Variants in FOXP2 observed in about 807,000 individuals in gnomAD.
FOXP2 encodes the protein forkhead box protein P2.
Under a neutral mutation model 115.8 loss-of-function variants are expected in FOXP2, and 12 were observed. The ratio of observed to expected loss-of-function variants is 0.10; its 90% CI spans 0.07 to 0.17. The LOEUF (loss-of-function observed/expected upper bound fraction) is 0.17. Ranked by LOEUF, FOXP2 falls within the 10% of genes least tolerant of loss-of-function variation. The pLI is 1.00. For synonymous variants in FOXP2, 328 were observed against 297.7 expected, an observed-to-expected ratio of 1.10 and a Z score of -1.05; for missense variants, 629 against 843.5, an observed-to-expected ratio of 0.75 and a Z score of 3.15.
At chr7:114,109,720 A>G (rs944915141) in intron 1 of FOXP2, among the ~76,000 whole-genome samples, 1 of 152,136 alleles carries the variant, frequency 6.6e-6, no homozygotes, top group Non-Finnish European at 1.5e-5. Flanking sequence ...TAAAGGAAAA[A>G]ATTTCCTAAA....
intron 1 of FOXP2, among the ~76,000 whole-genome samples, chr7:114,169,947 C>T (rs964884209): frequency 3.3e-5 from 5 of 152,118 alleles, no homozygotes; most frequent in Admixed American, 1.3e-4. Flanking sequence ...GCTTCCTTGC[C>T]TTCTGCCATG....
chr7:114,226,487 T>C (rs913408565), intron 1 of FOXP2, among the ~76,000 whole-genome samples: 2 of 152,198 alleles, frequency 1.3e-5, no homozygotes, highest in African/African-American at 4.8e-5. Flanking sequence ...TTCTATACAA[T>C]GGCTAGGCTG....
At chr7:114,177,398 TC>T (rs1793344941) in intron 1 of FOXP2, among the ~76,000 whole-genome samples, 1 of 152,152 alleles carries the variant, frequency 6.6e-6, no homozygotes. Context: ...ACTTAGGTTG[TC>T]TTTTTTATTT....
At chr7:114,396,128 G>A (rs1250387809) in intron 2 of FOXP2, among the ~76,000 whole-genome samples, 1 of 148,454 alleles carries the variant, frequency 6.7e-6, no homozygotes, top group South Asian at 2.1e-4. Context: ...ATTTTTTTTT[G>A]TACCCATTAA....
At chr7:114,569,931 T>C (rs1026605923) in intron 3 of FOXP2, among the ~76,000 whole-genome samples, 1 of 151,956 alleles carries the variant, frequency 6.6e-6, no homozygotes, top group African/African-American at 2.4e-5. Flanking sequence ...CTTGCTTTTC[T>C]TCTTTTCTGG....
At chr7:114,583,950 A>G (rs557933164) in intron 3 of FOXP2, among the ~76,000 whole-genome samples, 1 of 152,326 alleles carries the variant, frequency 6.6e-6, no homozygotes, top group South Asian at 2.1e-4. Context: ...TATCGAGTAT[A>G]TCAAATTTTA....
chr7:114,514,187 A>G (rs1033534926), intron 2 of FOXP2, among the ~76,000 whole-genome samples: 20 of 152,010 alleles, frequency 1.3e-4, no homozygotes, highest in African/African-American at 4.8e-4. Context: ...TGCTGTTTTC[A>G]TATAGGTATG....
At chr7:114,501,305 T>A (rs1473385337) in intron 2 of FOXP2, among the ~76,000 whole-genome samples, 2 of 152,162 alleles carry the variant, frequency 1.3e-5, no homozygotes, top group Non-Finnish European at 2.9e-5. Flanking sequence ...TTACTTTGGT[T>A]CAATTTTATT....
intron 16 of FOXP2, chr7:114,667,303 A>G (rs963816956): frequency 1.3e-5 from 2 of 152,092 alleles, no homozygotes; most frequent in African/African-American, 4.8e-5. Context: ...GTGTGCCTGT[A>G]TACAGTCCTA....
intron 3 of FOXP2, among the ~76,000 whole-genome samples, chr7:114,622,944 T>A (rs552480568): frequency 2.5e-3 from 386 of 152,072 alleles, no homozygotes; most frequent in Non-Finnish European, 4.0e-3. Context: ...ATAAACATTT[T>A]TAGTTACTAA....
chr7:114,232,645 C>T (rs1562827773), intron 1 of FOXP2, among the ~76,000 whole-genome samples: 1 of 151,998 alleles, frequency 6.6e-6, no homozygotes, highest in African/African-American at 2.4e-5. Context: ...GAAACCCCAT[C>T]TCTACTAAAA....
At chr7:114,114,907 C>T (rs1234460561) in intron 1 of FOXP2, among the ~76,000 whole-genome samples, 1 of 152,036 alleles carries the variant, frequency 6.6e-6, no homozygotes, top group Admixed American at 6.6e-5. Context: ...AGAACTGAAA[C>T]AAGGAAAGTT....
In FOXP2 at chr7:114,381,876, C is replaced by T. The variant is rs560468403; in HGVS notation, c.-10-44626C>T. Among the ~76,000 whole-genome samples the T allele has an allele frequency of 5.3e-5, 8 of 152,168 alleles. No homozygotes were observed. In the South Asian group the frequency reaches 1.2e-3, roughly 24 times the overall value. On this transcript the variant is annotated intron_variant, in intron 2 of 17. Transcript: ENST00000634411. ...TACTGCCTTTGGTAGGGAAAGGAGG[C>T]GGAATCCTTTAGTTTAACTTGAACA...
chr7:114,194,560 C>T (rs1479057972), intron 1 of FOXP2, among the ~76,000 whole-genome samples: 1 of 152,082 alleles, frequency 6.6e-6, no homozygotes, highest in Non-Finnish European at 1.5e-5. Flanking sequence ...CCTCATACTA[C>T]ATGAAAACAA....
At chr7:114,397,417 A>G (rs1425085111) in intron 2 of FOXP2, among the ~76,000 whole-genome samples, 2 of 152,104 alleles carry the variant, frequency 1.3e-5, no homozygotes, top group Non-Finnish European at 2.9e-5. Flanking sequence ...ATCAACATTA[A>G]TATTTCCATA....
intron 2 of FOXP2, among the ~76,000 whole-genome samples, chr7:114,321,341 A>G (rs1797417786): frequency 6.6e-6 from 1 of 151,590 alleles, no homozygotes; most frequent in East Asian, 1.9e-4. Flanking sequence ...TGGGACTACA[A>G]GTGCCCGCCA....
chr7:114,479,087 C>T (rs1413027898), intron 2 of FOXP2, among the ~76,000 whole-genome samples: 8 of 151,542 alleles, frequency 5.3e-5, no homozygotes, highest in South Asian at 4.2e-4. Flanking sequence ...TTTTTTTCTG[C>T]GTAAAACATA....
chr7:114,691,524 G>T lies in FOXP2; in HGVS notation c.*1598G>T. 1 of 453,932 alleles carries T rather than the reference G, an allele frequency of 2.2e-6. No homozygotes were observed. Among genetic ancestry groups the T allele is most frequent in the South Asian group, 1.6e-5 (1 of 64,456 alleles). 28.1% of individuals were successfully genotyped at this position (453,932 alleles called of 1,614,324 possible). ...AAATTGTTGGAATGCTGGTTTTCTT[G>T]ACAATTCCAAACCCCAAAACTATGA... On this transcript the variant is annotated 3_prime_UTR_variant, in exon 17 of 17. Coordinates refer to ENST00000350908, the MANE Select transcript of FOXP2 (RefSeq NM_014491.4).
chr7:114,492,756 A>G (rs995730289), intron 2 of FOXP2, among the ~76,000 whole-genome samples: 1 of 152,090 alleles, frequency 6.6e-6, no homozygotes, highest in East Asian at 1.9e-4. Flanking sequence ...TTCTAGTTTG[A>G]TTGCACTGTG....
Sources: gnomAD v4.1 joint callset for allele counts (sites outside exome capture counted in the v4.1 genomes callset) on GRCh38, gnomAD v4.1.1 for gene constraint, MANE v1.5 for transcripts, NCBI Gene and HGNC (gene_info 2026-07-23, HGNC 2026-07-21) for gene names.